The following RB1 variants were observed in gnomAD, a reference collection of about 807,000 sequenced individuals.
RB1 encodes retinoblastoma-associated protein.
In RB1, 18 loss-of-function variants were observed where a neutral mutation model predicts 135.4. The ratio of observed to expected loss-of-function variants is 0.13; its 90% CI spans 0.09 to 0.20. The LOEUF is 0.20. RB1 is among the 10% of genes least tolerant of loss of function. The pLI, the probability that RB1 is intolerant of heterozygous loss-of-function variation, is 1.00. For missense variants in RB1, 868 were observed against 1,110.0 expected (o/e 0.78, Z 3.10); for synonymous variants, 365 against 373.2 (o/e 0.98, Z 0.25).
chr13:48,438,052 G>A (rs1949201484), intron 17 of RB1, among the ~76,000 whole-genome samples: 1 of 152,050 alleles, frequency 6.6e-6, no homozygotes, highest in Non-Finnish European at 1.5e-5. Flanking sequence ...TATATGCTTG[G>A]CACTGGAATT....
intron 17 of RB1, among the ~76,000 whole-genome samples, chr13:48,410,190 A>G (rs1411615443): frequency 1.3e-5 from 2 of 152,252 alleles, no homozygotes; most frequent in Non-Finnish European, 2.9e-5. Flanking sequence ...ATCACGTAAT[A>G]GCATTTTGGT....
chr13:48,431,614 G>A (rs1212866195), intron 17 of RB1, among the ~76,000 whole-genome samples: 1 of 152,042 alleles, frequency 6.6e-6, no homozygotes, highest in Non-Finnish European at 1.5e-5. Context: ...GTTTTCACAT[G>A]TTTGGAAAAT....
At chr13:48,310,256 G>A (rs1952120339) in intron 2 of RB1, among the ~76,000 whole-genome samples, 1 of 152,158 alleles carries the variant, frequency 6.6e-6, no homozygotes, top group Non-Finnish European at 1.5e-5. Flanking sequence ...CAGAATAAAT[G>A]TGTTTCCAGT....
intron 9 of RB1, among the ~76,000 whole-genome samples, chr13:48,366,501 A>T (rs1952700234): frequency 6.6e-6 from 1 of 152,214 alleles, no homozygotes; most frequent in Non-Finnish European, 1.5e-5. Context: ...CTGAGGTTGG[A>T]ATCACTTTGG....
intron 17 of RB1, among the ~76,000 whole-genome samples, chr13:48,445,551 C>T (rs913550459): frequency 6.6e-6 from 1 of 152,090 alleles, no homozygotes; most frequent in African/African-American, 2.4e-5. Flanking sequence ...GATCTCTGCC[C>T]CTTCTCCTTT....
Position 48,319,191 on chromosome 13 carries a change from G to T in RB1, c.264+11785G>T. The T allele has an allele frequency of 1.6e-6, 1 of 643,694 alleles. No homozygotes were observed. The highest frequency in any genetic ancestry group is 2.6e-6 in the Non-Finnish European group (1 of 389,580). 39.9% of individuals were successfully genotyped at this position (643,694 alleles called of 1,614,324 possible). A position where few individuals can be genotyped will look rare whatever the true frequency, so the allele number is the denominator to read the frequency against. On this transcript the variant is annotated intron_variant, in intron 2 of 26. Transcript: ENST00000267163. The surrounding 1 kb of genome is among the most constrained non-coding windows in gnomAD (Gnocchi z 5.0). ...TAGGCACCCCGGGCAAGGGTCTGTG[G>T]CCTTGGTGGCCACTGGCTTCCTCTA...
rs547807077 is a variant in RB1, at chr13:48,454,282, T to C, written c.1814+1171T>C. On this transcript the variant is annotated intron_variant, in intron 18 of 26. Coordinates refer to ENST00000267163, the MANE Select transcript of RB1 (RefSeq NM_000321.3). ...TGCCTAATATTTTGTTTCTGTTTAA[T>C]TCTGTGTAGGAACTGACATTACAGT... Among the ~76,000 whole-genome samples, 24 of 152,364 alleles carry C rather than the reference T, an allele frequency of 1.6e-4. No individual in the cohort carries two copies. The East Asian group carries it at 3.8e-3, about 24-fold the overall frequency.
chr13:48,385,706 A>G (rs1453030445), intron 17 of RB1, among the ~76,000 whole-genome samples: 1 of 152,206 alleles, frequency 6.6e-6, no homozygotes, highest in Non-Finnish European at 1.5e-5. Flanking sequence ...AGGGCAAAAG[A>G]TCTGAACTGA....
intron 9 of RB1, among the ~76,000 whole-genome samples, chr13:48,366,189 A>G (rs1952695867): frequency 6.6e-6 from 1 of 152,182 alleles, no homozygotes; most frequent in Non-Finnish European, 1.5e-5. Context: ...CACTTTTGGT[A>G]CCAAAAACTA....
Position 48,435,803 on chromosome 13 carries a change from A to G in RB1, c.1696-17190A>G, listed in dbSNP as rs4151555. ...ATGTTCAGTTGTTTCAGCACCATTT[A>G]TTTTAAAGGCTATCCTTTTTCTATT... On this transcript the variant is annotated intron_variant, in intron 17 of 26. Transcript: ENST00000267163. Among the ~76,000 whole-genome samples, 847 of 152,246 alleles carry G rather than the reference A, an allele frequency of 5.6e-3. 5 individuals are homozygous for G. Among genetic ancestry groups the G allele is most frequent in the Middle Eastern group, 0.01 (3 of 294 alleles).
intron 17 of RB1, among the ~76,000 whole-genome samples, chr13:48,391,208 G>A (rs1022512333): frequency 1.3e-5 from 2 of 152,034 alleles, no homozygotes; most frequent in Admixed American, 1.3e-4. Context: ...TTCACATACA[G>A]TATAAGAATC....
At chr13:48,400,978 A>G (rs181976082) in intron 17 of RB1, among the ~76,000 whole-genome samples, 27 of 152,204 alleles carry the variant, frequency 1.8e-4, no homozygotes, top group Non-Finnish European at 3.4e-4. Flanking sequence ...AAAATGGAAA[A>G]AGTTCAGGGG....
At chr13:48,439,317 A>G (rs1327787401) in intron 17 of RB1, among the ~76,000 whole-genome samples, 1 of 152,230 alleles carries the variant, frequency 6.6e-6, no homozygotes, top group East Asian at 1.9e-4. Flanking sequence ...TATTCAATAA[A>G]TATTAACTAG....
intron 17 of RB1, chr13:48,444,406 A>G (rs988285792): frequency 2.6e-5 from 4 of 152,080 alleles, no homozygotes; most frequent in African/African-American, 9.7e-5. Context: ...AGTCCCAGCT[A>G]CTCCAGAGGC....
chr13:48,417,855 C>T (rs1433021768), intron 17 of RB1, among the ~76,000 whole-genome samples: 1 of 152,138 alleles, frequency 6.6e-6, no homozygotes, highest in Non-Finnish European at 1.5e-5. Flanking sequence ...ACGAACAAAG[C>T]CTCCAAGAAA....
rs560142036 is a variant in RB1 at position 48,320,277 on chromosome 13, C to G, written c.264+12871C>G. 4.0e-5 allele frequency: 48 copies of G among 1,203,778 alleles called. No individual in the cohort carries two copies. The African/African-American group carries it at 6.7e-4, about 17-fold the overall frequency. The allele number at this position is 1,203,778 out of a possible 1,614,324, so 74.6% of individuals were successfully genotyped here. A position where few individuals can be genotyped will look rare whatever the true frequency, so the allele number is the denominator to read the frequency against. On this transcript the variant is annotated intron_variant, in intron 2 of 26. Coordinates refer to ENST00000267163, the MANE Select transcript of RB1 (RefSeq NM_000321.3). ...CCCTGTGGCCCCTCTGTGCAGCGCG[C>G]TCATCGGTGGTGCCCCGAGCAACCC...
At position 48,463,751 on chromosome 13, in the gene RB1, T is replaced by C. The variant is rs1484231598; in HGVS notation, c.2127T>C (p.Tyr709=). ...HLDQIMMCSM[Y]GICKVKNIDL... is the part of the protein sequence containing the mutation. ...ACTAGATTATGATGTGTTCCATGTA[T>C]GGCATATGCAAAGTGAAGAATATAG... Residue 709 remains tyrosine, a synonymous_variant, in exon 21 of 27, where the codon TAT becomes TAC. Coordinates refer to ENST00000267163, the MANE Select transcript of RB1 (RefSeq NM_000321.3). The C allele has an allele frequency of 3.8e-6, 6 of 1,575,222 alleles. No individual in the cohort carries two copies. The highest frequency in any genetic ancestry group is 3.3e-5 in the Admixed American group (2 of 59,930).
chr13:48,389,197 T>A (rs910957570), intron 17 of RB1, among the ~76,000 whole-genome samples: 3 of 151,282 alleles, frequency 2.0e-5, no homozygotes, highest in Non-Finnish European at 4.4e-5. Flanking sequence ...AATTAAAAAC[T>A]GAAAAAAAGG....
At chr13:48,312,473 T>G (rs1268732297) in intron 2 of RB1, among the ~76,000 whole-genome samples, 2 of 152,232 alleles carry the variant, frequency 1.3e-5, no homozygotes, top group African/African-American at 4.8e-5. Flanking sequence ...TTGTTCTTGT[T>G]GTGAGGGTGG....
Sources: allele counts gnomAD v4.1 joint callset (sites outside exome capture counted in the v4.1 genomes callset), GRCh38; gene constraint gnomAD v4.1.1; non-coding constraint Gnocchi (gnomAD v3.1); transcripts MANE v1.5; gene names NCBI Gene and HGNC (gene_info 2026-07-23, HGNC 2026-07-21).